NIPBL: variants seen among roughly 807,000 people sequenced by gnomAD.
The protein encoded by NIPBL is nipped-B-like protein.
Under a neutral mutation model 321.8 loss-of-function variants are expected in NIPBL, and 19 were observed. That is an observed-to-expected ratio of 0.06 (90% CI 0.04 to 0.09). The LOEUF (loss-of-function observed/expected upper bound fraction) is 0.09. Ranked by LOEUF, NIPBL falls within the 10% of genes least tolerant of loss-of-function variation. The pLI is 1.00. For missense variants in NIPBL, 2,210 were observed against 3,327.0 expected, an observed-to-expected ratio of 0.66 and a Z score of 8.26; for synonymous variants, 1,106 against 1,114.1, an observed-to-expected ratio of 0.99 and a Z score of 0.14.
intron 1 of NIPBL, among the ~76,000 whole-genome samples, chr5:36,883,763 T>G (rs987326891): frequency 6.6e-6 from 1 of 151,966 alleles, no homozygotes; most frequent in Non-Finnish European, 1.5e-5. Flanking sequence ...AGATTGTGGG[T>G]TGCCAGTTTT....
rs372033696 is a variant in NIPBL at position 36,983,758 on chromosome 5, T to C, written c.1496-918T>C. 2.6e-4 allele frequency among the ~76,000 whole-genome samples: 40 copies of C among 152,104 alleles called. No individual in the cohort carries two copies. In the Middle Eastern group the frequency reaches 0.01, roughly 39 times the overall value. On this transcript the variant is annotated intron_variant, in intron 9 of 46. Transcript: ENST00000282516. ...AGAAATGGAATCATACACAGAAATA[T>C]ATAGATGTTAAAAATACCTTCACAT...
intron 9 of NIPBL, among the ~76,000 whole-genome samples, chr5:36,980,123 C>T (rs1009358994): frequency 1.3e-5 from 2 of 151,596 alleles, no homozygotes; most frequent in Non-Finnish European, 3.0e-5. Flanking sequence ...TATTAGCAAA[C>T]TTATTTTATA....
At chr5:36,951,677 T>C (rs1740308044) in intron 1 of NIPBL, among the ~76,000 whole-genome samples, 1 of 152,172 alleles carries the variant, frequency 6.6e-6, no homozygotes, top group Admixed American at 6.5e-5. Context: ...ATAATCAAAT[T>C]AATAATTTCA....
chr5:37,049,743 T>A (rs1579574196), intron 40 of NIPBL, among the ~76,000 whole-genome samples: 1 of 152,302 alleles, frequency 6.6e-6, no homozygotes, highest in South Asian at 2.1e-4. Context: ...CACCAACTAC[T>A]CGACACCTCA....
chr5:37,007,519 A>AT, intron 18 of NIPBL, 45 bp downstream of exon 18: 1 of 1,411,656 alleles, frequency 7.1e-7, no homozygotes, highest in Non-Finnish European at 1.0e-6. Flanking sequence ...AAACTAAATG[A>AT]TTAAGTCTAG....
chr5:36,976,958 T>G (rs1221530141), intron 9 of NIPBL, among the ~76,000 whole-genome samples: 1 of 152,060 alleles, frequency 6.6e-6, no homozygotes, highest in Non-Finnish European at 1.5e-5. Flanking sequence ...AGTCTTTTGG[T>G]GGTAATTACA....
chr5:36,903,809 C>T (rs1320356567), intron 1 of NIPBL, among the ~76,000 whole-genome samples: 1 of 152,126 alleles, frequency 6.6e-6, no homozygotes, highest in Non-Finnish European at 1.5e-5. Context: ...AGATACTACA[C>T]CATCCAAAGA....
intron 1 of NIPBL, among the ~76,000 whole-genome samples, chr5:36,920,257 A>C (rs1261192878): frequency 6.6e-6 from 1 of 152,232 alleles, no homozygotes; most frequent in Non-Finnish European, 1.5e-5. Context: ...GTGTCACTTG[A>C]AAAACACTTG....
At chr5:36,971,865 GT>G in intron 7 of NIPBL, 79 bp from the exon 8 acceptor site, 1 of 1,521,672 alleles carries the variant, frequency 6.6e-7, no homozygotes, top group Non-Finnish European at 9.0e-7. Context: ...AGTAATTTAT[GT>G]CTCTTATTGG....
At chr5:37,013,188 T>C (rs1294657361) in intron 21 of NIPBL, among the ~76,000 whole-genome samples, 1 of 150,168 alleles carries the variant, frequency 6.7e-6, no homozygotes, top group East Asian at 2.0e-4. Flanking sequence ...CCCACCTCCC[T>C]CCCGGACGGG....
At chr5:36,901,563 G>A (rs1747225470) in intron 1 of NIPBL, among the ~76,000 whole-genome samples, 1 of 132,972 alleles carries the variant, frequency 7.5e-6, no homozygotes, top group Non-Finnish European at 1.5e-5. Context: ...AAGCTGGAGT[G>A]CAATGGCACG....
chr5:36,962,863 C>T (rs755308111), intron 6 of NIPBL, among the ~76,000 whole-genome samples: 3 of 152,014 alleles, frequency 2.0e-5, no homozygotes, highest in Non-Finnish European at 4.4e-5. Context: ...GGGCTATATG[C>T]AAGTACTATG....
intron 1 of NIPBL, among the ~76,000 whole-genome samples, chr5:36,892,292 G>A (rs563080067): frequency 2.6e-5 from 4 of 152,238 alleles, no homozygotes; most frequent in Non-Finnish European, 4.4e-5. Flanking sequence ...GAAACAACAG[G>A]TGCTGGAGAG....
intron 14 of NIPBL, among the ~76,000 whole-genome samples, 187 bp from the exon 15 acceptor site, chr5:37,002,475 G>A (rs1176191856): frequency 6.6e-6 from 1 of 152,146 alleles, no homozygotes; most frequent in Non-Finnish European, 1.5e-5. Context: ...TCCCATTTCA[G>A]TCATAAATCT....
intron 24 of NIPBL, among the ~76,000 whole-genome samples, chr5:37,019,029 G>GGAGGCAAAGATTGCAGT (rs1749321725): frequency 6.6e-6 from 1 of 152,096 alleles, no homozygotes; most frequent in South Asian, 2.1e-4. Context: ...CTTGAACCCA[G>GGAGGCAAAGATTGCAGT]GAGGCAAAGA....
In NIPBL at chr5:36,962,184, G is replaced by C; in HGVS notation, c.520G>C (p.Val174Leu). ...ATTTATGCCACAGCAAAATAGCCCA[G>C]TGCCTAGTCCATACGCCCCACAAAG... ...NRFMPQQNSP[V>L]PSPYAPQSPA... The change falls in exon 6 of 47, where the codon GTG (valine) becomes CTG (leucine). Residue 174 changes from valine to leucine, a missense_variant. Coordinates refer to ENST00000282516, the MANE Select transcript of NIPBL (RefSeq NM_133433.4). 6.2e-7 allele frequency: 1 copy of C among 1,614,084 alleles called. No individual in the cohort carries two copies. The highest frequency in any genetic ancestry group is 8.5e-7 in the Non-Finnish European group (1 of 1,179,988).
At chr5:37,018,730 G>A (rs1260468840) in intron 24 of NIPBL, among the ~76,000 whole-genome samples, 4 of 152,044 alleles carry the variant, frequency 2.6e-5, no homozygotes, top group Non-Finnish European at 4.4e-5. Context: ...ATTTCCAAAA[G>A]GAAATTCTTC....
chr5:37,013,150 GC>G (rs1748403588), intron 21 of NIPBL, among the ~76,000 whole-genome samples: 1 of 149,056 alleles, frequency 6.7e-6, no homozygotes, highest in Admixed American at 6.6e-5. Flanking sequence ...CCCGGACGGG[GC>G]GGCTGGCCAG....
At chr5:36,882,253 CTTAGT>C (rs1373765998) in intron 1 of NIPBL, among the ~76,000 whole-genome samples, 3 of 151,934 alleles carry the variant, frequency 2.0e-5, no homozygotes, top group Admixed American at 6.5e-5. Context: ...TCACTTGAAA[CTTAGT>C]TTAGGGATTT....
Sources: allele counts gnomAD v4.1 joint callset (sites outside exome capture counted in the v4.1 genomes callset), GRCh38; gene constraint gnomAD v4.1.1; transcripts MANE v1.5; gene names NCBI Gene and HGNC (gene_info 2026-07-23, HGNC 2026-07-21).